USE1: variants seen among roughly 807,000 people sequenced by gnomAD.
The protein encoded by USE1 is unconventional SNARE in the ER 1.
Under a neutral mutation model 37.6 loss-of-function variants are expected in USE1, and 32 were observed. The ratio of observed to expected loss-of-function variants is 0.85; its 90% CI spans 0.64 to 1.14. The LOEUF (loss-of-function observed/expected upper bound fraction) is 1.14. Ranked by LOEUF, USE1 falls within the 50% of genes most tolerant of loss-of-function variation. The pLI is 0.00. For synonymous variants in USE1, 149 were observed against 137.6 expected (o/e 1.08, Z -0.58); for missense variants, 310 against 332.2 (o/e 0.93, Z 0.52).
In USE1 at chr19:17,215,932, G is replaced by C. The variant is rs866436524; in HGVS notation, c.153-60G>C. The C allele has an allele frequency of 3.6e-5, 57 of 1,582,940 alleles. No individual in the cohort carries two copies. The South Asian group carries it at 5.8e-4, about 16-fold the overall frequency. ...ATCCCAGTACCGCTATCCCAGCTGG[G>C]ACCCTTCCCTGAGCTGGGGACCATG... is the stretch of plus-strand genomic sequence containing the variant. On this transcript the variant is annotated intron_variant, in intron 2 of 7. Transcript: ENST00000263897.
Position 17,215,413 on chromosome 19 carries a change from C to T in USE1, c.8C>T (p.Ala3Val). The T allele has an allele frequency of 1.3e-6, 2 of 1,557,740 alleles. No homozygotes were observed. Among genetic ancestry groups the T allele is most frequent in the Non-Finnish European group, 8.7e-7 (1 of 1,152,164 alleles). MAASRLELNLVRL... is the reference protein window; with the variant it reads MAVSRLELNLVRL... ...GTGTAGGGCCGGGCGATAATGGCGG[C>T]GTCGAGGCTGGAGCTAAACCTGGTG... Residue 3 changes from alanine (A) to valine (V), a missense_variant, in exon 1 of 8, where the codon GCG (alanine) becomes GTG (valine). Coordinates refer to ENST00000263897, the MANE Select transcript of USE1 (RefSeq NM_018467.4).
intron 2 of USE1, 49 bp from the exon 3 acceptor site, chr19:17,215,943 G>A (rs768390237): frequency 1.9e-6 from 3 of 1,582,706 alleles, no homozygotes; most frequent in Non-Finnish European, 2.6e-6. Flanking sequence ...ACCCTTCCCT[G>A]AGCTGGGGAC....
chr19:17,219,512 A>G, intron 7 of USE1, 119 bp from the exon 8 acceptor site: 2 of 1,440,724 alleles, frequency 1.4e-6, no homozygotes, highest in Non-Finnish European at 1.9e-6. Context: ...CAAAAATGGC[A>G]TTCCCAGCAG....
intron 3 of USE1, 21 bp downstream of exon 3, chr19:17,216,091 C>A: frequency 1.2e-6 from 2 of 1,613,348 alleles, no homozygotes; most frequent in East Asian, 2.2e-5. Context: ...GTGCCCCTGC[C>A]CCCTCAGCCC....
chr19:17,218,143 G>A, intron 5 of USE1: 1 of 574,132 alleles, frequency 1.7e-6, no homozygotes, highest in Non-Finnish European at 3.1e-6. Context: ...TGGGACCAAG[G>A]CTAGGCTGGA....
chr19:17,215,636 C>A, intron 1 of USE1, 129 bp downstream of exon 1: 2 of 1,348,580 alleles, frequency 1.5e-6, no homozygotes, highest in South Asian at 1.4e-5. Flanking sequence ...TCAGTCCCGC[C>A]ACGTCCACCT....
At position 17,215,758 on chromosome 19, in the gene USE1, A is replaced by T. The variant is rs388484; in HGVS notation, c.103-44A>T. ...CGCCCCCCCGACTCCCATGATCAGG[A>T]CATGGGAAAGACCCCCGGGTGACAA... On this transcript the variant is annotated intron_variant, in intron 1 of 7. Coordinates refer to ENST00000263897, the MANE Select transcript of USE1 (RefSeq NM_018467.4). 0.64 allele frequency: 886,800 copies of T among 1,383,954 alleles called. 265,114 individuals are homozygous for T. The highest frequency in any genetic ancestry group is 0.69 in the Non-Finnish European group (702,663 of 1,024,680). The allele number at this position is 1,383,954 out of a possible 1,614,324, so 85.7% of individuals were successfully genotyped here.
intron 1 of USE1, 44 bp downstream of exon 1, chr19:17,215,551 G>T (rs1295153795): frequency 3.9e-6 from 6 of 1,543,530 alleles, no homozygotes; most frequent in African/African-American, 2.7e-5. Context: ...ACTCCCGGGG[G>T]GTGATTCCTA....
At chr19:17,219,073 G>A (rs1416060760) in intron 6 of USE1, 140 bp from the exon 7 acceptor site, 29 of 1,263,390 alleles carry the variant, frequency 2.3e-5, no homozygotes, top group Middle Eastern at 2.0e-4. Context: ...GTTGCAGTGA[G>A]CCGAGATCAT....
intron 1 of USE1, 41 bp downstream of exon 1, chr19:17,215,548 G>C: frequency 1.3e-6 from 2 of 1,544,842 alleles, no homozygotes; most frequent in Non-Finnish European, 1.7e-6. Flanking sequence ...CCGACTCCCG[G>C]GGGGTGATTC....
rs755753561 is a variant in USE1 at position 17,219,642 on chromosome 19, C to G, written c.609C>G (p.His203Gln). Residue 203 changes from histidine (H) to glutamine (Q), a missense_variant, in exon 8 of 8, where the codon CAC becomes CAG. By Grantham distance (24) the His-to-Gln change is conservative. Coordinates refer to ENST00000263897, the MANE Select transcript of USE1 (RefSeq NM_018467.4). ...VIKKDNQTLSHSLKMADQNLE... is the reference protein window; with the variant it reads ...VIKKDNQTLSQSLKMADQNLE... Reference sequence around the variant, plus strand: ...CACCTCCCCCACAGACCCTGTCACACTCACTGAAAATGGCGGACCAGAACC... The same window carrying G: ...CACCTCCCCCACAGACCCTGTCACAGTCACTGAAAATGGCGGACCAGAACC... 3 of 1,606,158 alleles carry G rather than the reference C, an allele frequency of 1.9e-6. No homozygotes were observed. In the East Asian group the frequency reaches 6.7e-5, roughly 36 times the overall value.
intron 3 of USE1, 29 bp downstream of exon 3, chr19:17,216,099 C>T (rs1234046395): frequency 6.2e-7 from 1 of 1,613,448 alleles, no homozygotes; most frequent in East Asian, 2.2e-5. Flanking sequence ...GCCCCCTCAG[C>T]CCCCATCACC....
At chr19:17,216,834 T>C (rs551066419) in intron 4 of USE1, among the ~76,000 whole-genome samples, 1 of 151,736 alleles carries the variant, frequency 6.6e-6, no homozygotes, top group Admixed American at 6.6e-5. Context: ...CAAAATTAGC[T>C]GGGCATGGTG....
intron 5 of USE1, chr19:17,218,093 CAAAT>C (rs1472567564): frequency 7.0e-6 from 3 of 429,494 alleles, no homozygotes; most frequent in Non-Finnish European, 1.3e-5. Flanking sequence ...CAAAAATAAG[CAAAT>C]AAATAAATTT....
At chr19:17,219,453 G>T in intron 7 of USE1, 66 bp downstream of exon 7, 1 of 1,483,030 alleles carries the variant, frequency 6.7e-7, no homozygotes, top group Non-Finnish European at 9.1e-7. Context: ...CCCAGCACAG[G>T]AGCATTGTGG....
At position 17,216,181 on chromosome 19, in the gene USE1, GAGAA is replaced by G. The variant is rs1425004628; in HGVS notation, c.247_250del (p.Lys83HisfsTer43). 1.2e-6 allele frequency: 2 copies of G among 1,612,600 alleles called. No homozygotes were observed. Among genetic ancestry groups the G allele is most frequent in the African/African-American group, 2.7e-5 (2 of 74,926 alleles). On this transcript the variant is annotated frameshift_variant, in exon 4 of 8. Transcript: ENST00000263897. LOFTEE classifies it high-confidence loss of function. ...CACATTTCTGCAGACCTCCTCCTCA[GAGAA>G]AGCACTGGCCAACCAGTTCCTGGCC...
chr19:17,215,759 C>A (rs749673050), intron 1 of USE1, 43 bp from the exon 2 acceptor site: 2 of 1,233,914 alleles, frequency 1.6e-6, no homozygotes, highest in African/African-American at 2.9e-5. Context: ...ATGATCAGGA[C>A]ATGGGAAAGA....
intron 6 of USE1, 168 bp downstream of exon 6, chr19:17,218,559 C>A: frequency 1.3e-6 from 1 of 783,122 alleles, no homozygotes; most frequent in Non-Finnish European, 2.0e-6. Flanking sequence ...GGCGCAGTGG[C>A]TCACGCCTGT....
intron 4 of USE1, among the ~76,000 whole-genome samples, chr19:17,217,032 C>T (rs1485444421): frequency 6.6e-6 from 1 of 151,504 alleles, no homozygotes; most frequent in Non-Finnish European, 1.5e-5. Flanking sequence ...GAAACAGGCT[C>T]AGAGGTCATG....
Sources: allele counts gnomAD v4.1 joint callset (sites outside exome capture counted in the v4.1 genomes callset), GRCh38; gene constraint gnomAD v4.1.1; transcripts MANE v1.5; gene names NCBI Gene and HGNC (gene_info 2026-07-23, HGNC 2026-07-21).